GPHN: variants seen among roughly 807,000 people sequenced by gnomAD.
GPHN encodes gephyrin.
GPHN carries 17 observed loss-of-function variants against 95.5 expected under a neutral mutation model. The ratio of observed to expected loss-of-function variants is 0.18; its 90% confidence interval spans 0.12 to 0.27. GPHN has a LOEUF of 0.27. Ranked by LOEUF, GPHN falls within the 10% of genes least tolerant of loss-of-function variation. The probability of loss-of-function intolerance (pLI) is 1.00; values close to 1 mark genes in which losing one functional copy is unlikely to be tolerated. For synonymous variants in GPHN, 320 were observed against 322.5 expected, an observed-to-expected ratio of 0.99 and a Z score of 0.08; for missense variants, 660 against 978.1, an observed-to-expected ratio of 0.67 and a Z score of 4.34.
chr14:67,426,657 C>A, the GPHN span, among the ~76,000 whole-genome samples: 1 of 152,112 alleles, frequency 6.6e-6, no homozygotes, highest in Non-Finnish European at 1.5e-5. Flanking sequence ...CTCACCGCAA[C>A]CTCCGCCTCC....
At chr14:66,689,269 A>G (rs1241843096) in intron 2 of GPHN, among the ~76,000 whole-genome samples, 1 of 152,084 alleles carries the variant, frequency 6.6e-6, no homozygotes, top group Non-Finnish European at 1.5e-5. Context: ...ATTTTATTAC[A>G]TGCTTTTTCT....
At chr14:67,612,674 C>T in the GPHN span, among the ~76,000 whole-genome samples, 746 of 152,282 alleles carry the variant, frequency 4.9e-3, 36 homozygotes, top group East Asian at 0.082. Context: ...CGGTAGCTCA[C>T]GCCTGTAATC....
chr14:67,057,413 G>GGGC (rs1555477488), intron 10 of GPHN, among the ~76,000 whole-genome samples: 1 of 151,480 alleles, frequency 6.6e-6, no homozygotes, highest in African/African-American at 2.4e-5. Flanking sequence ...CACATGGGTG[G>GGGC]GGGGGGCAAC....
chr14:67,514,160 G>GGAA, the GPHN span, among the ~76,000 whole-genome samples: 1 of 152,148 alleles, frequency 6.6e-6, no homozygotes, highest in Non-Finnish European at 1.5e-5. Context: ...TTCCCTCCAG[G>GGAA]GAGAGCCTTG....
chr14:67,493,630 C>T, the GPHN span, among the ~76,000 whole-genome samples: 9 of 152,244 alleles, frequency 5.9e-5, no homozygotes, highest in African/African-American at 2.2e-4. Context: ...GCTGTCAATA[C>T]CCTGCCTGTT....
chr14:67,225,921 C>CTGTGTGTGTGTGTG, the GPHN span, among the ~76,000 whole-genome samples: 2 of 84,942 alleles, frequency 2.4e-5, no homozygotes, highest in South Asian at 7.6e-4. Flanking sequence ...AAAGCTAATG[C>CTGTGTGTGTGTGTG]TGTGAGTGTG....
chr14:67,214,904 AG>A, the GPHN span, among the ~76,000 whole-genome samples: 1 of 152,046 alleles, frequency 6.6e-6, no homozygotes. Context: ...TTGGATTCCT[AG>A]GTATTTTATT....
At chr14:67,217,399 A>G in the GPHN span, among the ~76,000 whole-genome samples, 1 of 152,114 alleles carries the variant, frequency 6.6e-6, no homozygotes, top group Non-Finnish European at 1.5e-5. Context: ...ATTTTAATCT[A>G]TTTACATTTA....
In GPHN at chr14:66,795,276, G is replaced by A. The variant is rs150490285; in HGVS notation, c.201+18755G>A. ...TGCTACAACCAGTCTATTTTGCTTG[G>A]TGCTTTCATGATAATCTATTTTCAT... is the stretch of plus-strand genomic sequence containing the variant. On this transcript the variant is annotated intron_variant, in intron 3 of 22. Coordinates refer to ENST00000478722, the MANE Select transcript of GPHN (RefSeq NM_020806.5). Among the ~76,000 whole-genome samples the A allele has an allele frequency of 1.9e-3, 291 of 151,880 alleles. 1 individual carries two copies. The highest frequency in any genetic ancestry group is 3.5e-3 in the Non-Finnish European group (240 of 67,936).
At position 66,522,604 on chromosome 14, in the gene GPHN, A is replaced by G. The variant is rs534766769; in HGVS notation, c.64+14013A>G. ...GTTCTGTTCAACACCTTTTTAGGAA[A>G]TGGTGGTCTTTCCCCTGCAGATGAT... On this transcript the variant is annotated intron_variant, in intron 1 of 22. Transcript: ENST00000478722. Among the ~76,000 whole-genome samples the G allele has an allele frequency of 6.1e-4, 93 of 152,228 alleles. 1 individual carries two copies. In the South Asian group the frequency reaches 0.018, roughly 30 times the overall value.
the GPHN span, chr14:67,382,554 T>C: frequency 6.2e-7 from 1 of 1,613,852 alleles, no homozygotes; most frequent in African/African-American, 1.3e-5. Context: ...AAGAGAAGAT[T>C]GAGGAAAAGA....
chr14:67,572,110 C>CCTTG, the GPHN span: 3 of 1,596,838 alleles, frequency 1.9e-6, no homozygotes. Flanking sequence ...GGGACCCGGG[C>CCTTG]CTTGACTCCT....
chr14:66,574,015 G>T (rs1280174080), intron 1 of GPHN, among the ~76,000 whole-genome samples: 1 of 152,138 alleles, frequency 6.6e-6, no homozygotes, highest in Non-Finnish European at 1.5e-5. Context: ...TACAATCAAG[G>T]TATGTATTGA....
the GPHN span, among the ~76,000 whole-genome samples, chr14:67,396,390 T>C: frequency 2.7e-5 from 4 of 150,416 alleles, no homozygotes; most frequent in Non-Finnish European, 5.9e-5. Context: ...TCAGGTGATC[T>C]GCCAGCCTTG....
chr14:66,795,465 T>C (rs1454788663), intron 3 of GPHN, among the ~76,000 whole-genome samples: 2 of 152,124 alleles, frequency 1.3e-5, no homozygotes, highest in African/African-American at 4.8e-5. Flanking sequence ...AGCCCACTGG[T>C]TTCCTTTTTC....
chr14:67,278,925 T>C, the GPHN span: 2 of 297,354 alleles, frequency 6.7e-6, no homozygotes, highest in Non-Finnish European at 1.2e-5. Context: ...CTTATTATTT[T>C]CTACGTTGTA....
the GPHN span, among the ~76,000 whole-genome samples, chr14:67,426,977 T>C: frequency 6.6e-6 from 1 of 152,116 alleles, no homozygotes; most frequent in East Asian, 1.9e-4. Context: ...CTCCGCAGGC[T>C]CCAGGACTCT....
the GPHN span, chr14:67,717,665 G>A: frequency 6.6e-6 from 1 of 152,276 alleles, no homozygotes; most frequent in South Asian, 2.1e-4. Flanking sequence ...GTTGTCACAA[G>A]GGGATAGTAG....
chr14:66,934,440 T>C (rs2066996190), intron 8 of GPHN, among the ~76,000 whole-genome samples: 1 of 152,222 alleles, frequency 6.6e-6, no homozygotes, highest in Non-Finnish European at 1.5e-5. Context: ...CCCAGTCATG[T>C]AGTTTGGGTG....
Sources: gnomAD v4.1 joint callset for allele counts (sites outside exome capture counted in the v4.1 genomes callset) on GRCh38, gnomAD v4.1.1 for gene constraint, MANE v1.5 for transcripts, NCBI Gene and HGNC (gene_info 2026-07-23, HGNC 2026-07-21) for gene names.